The following USP45 variants were observed in gnomAD, a reference collection of about 807,000 sequenced individuals.
The protein encoded by USP45 is ubiquitin carboxyl-terminal hydrolase 45.
A neutral mutation model predicts 95.8 loss-of-function variants in USP45; 89 were observed. The observed-to-expected ratio is 0.93, with a 90% CI of 0.78 to 1.11. USP45 has a LOEUF of 1.11. USP45 is among the 50% of genes least tolerant of loss of function. USP45 has a pLI of 0.00. For synonymous variants in USP45, 281 were observed against 316.2 expected, an observed-to-expected ratio of 0.89 and a Z score of 1.18; for missense variants, 898 against 942.5, an observed-to-expected ratio of 0.95 and a Z score of 0.62.
chr6:99,493,073 G>T (rs890207977), intron 5 of USP45, among the ~76,000 whole-genome samples: 1 of 151,966 alleles, frequency 6.6e-6, no homozygotes, highest in African/African-American at 2.4e-5. Flanking sequence ...CTGTTGCCCA[G>T]GCTGGAGTGC....
rs377256682 is a variant in USP45, at chr6:99,497,522, G to A, written c.478+6243C>T. On this transcript the variant is annotated intron_variant, in intron 5 of 17. Transcript: ENST00000500704. ...GAACCAAATAATAATTAGCTTGCCA[G>A]TTTACTCTCAAAATCGACTAACTTC... Among the ~76,000 whole-genome samples, 29 of 152,282 alleles carry A rather than the reference G, an allele frequency of 1.9e-4. No homozygotes were observed. In the East Asian group the frequency reaches 4.8e-3, roughly 25 times the overall value.
intron 4 of USP45, among the ~76,000 whole-genome samples, chr6:99,504,999 G>A (rs1467130704): frequency 6.6e-6 from 1 of 152,126 alleles, no homozygotes; most frequent in East Asian, 1.9e-4. Flanking sequence ...AACTGAAGCT[G>A]GTTGATGGGT....
At chr6:99,460,817 C>A (rs954733932) in intron 13 of USP45, 29 of 983,968 alleles carry the variant, frequency 2.9e-5, no homozygotes, top group Non-Finnish European at 3.3e-5. Context: ...CATAATAACA[C>A]CTTTTATAAT....
At position 99,437,397 on chromosome 6, in the gene USP45, A is replaced by C; in HGVS notation, c.2163T>G (p.Asn721Lys). 8 of 1,584,720 alleles carry C rather than the reference A, an allele frequency of 5.0e-6. No individual in the cohort carries two copies. Among genetic ancestry groups the C allele is most frequent in the Non-Finnish European group, 6.0e-6 (7 of 1,172,334 alleles). ...LAPFCSATCK[N>K]ASVGDKVLYG... ...AGAGAACTTTATCTCCCACACTTGCATTCTTTTAAACAAAGAAAAAAACCC... is the reference window on the plus strand; with the variant it reads ...AGAGAACTTTATCTCCCACACTTGCCTTCTTTTAAACAAAGAAAAAAACCC... Residue 721 changes from asparagine to lysine, a missense_variant and splice_region_variant, in exon 17 of 18, where the codon AAT becomes AAG. Asn to Lys is a moderately conservative substitution (Grantham distance 94). Coordinates refer to ENST00000500704, the MANE Select transcript of USP45 (RefSeq NM_001346022.3).
At chr6:99,452,361 C>T (rs1458884080) in intron 13 of USP45, among the ~76,000 whole-genome samples, 5 of 152,196 alleles carry the variant, frequency 3.3e-5, no homozygotes, top group South Asian at 2.1e-4. Flanking sequence ...AAAAAGTGGG[C>T]AAAGGATATG....
At chr6:99,489,226 CAG>C (rs1794650936) in intron 5 of USP45, among the ~76,000 whole-genome samples, 1 of 152,052 alleles carries the variant, frequency 6.6e-6, no homozygotes, top group Admixed American at 6.6e-5. Flanking sequence ...TTTGCCATGC[CAG>C]AGAGTAAGGA....
intron 13 of USP45, 109 bp from the exon 14 acceptor site, chr6:99,446,572 C>T: frequency 9.4e-7 from 1 of 1,069,396 alleles, no homozygotes; most frequent in South Asian, 1.7e-5. Context: ...TCTCTCAGAT[C>T]CATTTCCTAA....
chr6:99,435,878 G>GT, intron 17 of USP45, 32 bp from the exon 18 acceptor site: 2 of 1,593,494 alleles, frequency 1.3e-6, no homozygotes, highest in Non-Finnish European at 1.7e-6. Flanking sequence ...CAATTTTAAA[G>GT]TAAGTATGCT....
intron 12 of USP45, 83 bp from the exon 13 acceptor site, chr6:99,464,830 T>G: frequency 7.2e-7 from 1 of 1,397,578 alleles, no homozygotes; most frequent in Non-Finnish European, 9.5e-7. Context: ...TTTGACTGAC[T>G]TGAAATACAA....
intron 13 of USP45, among the ~76,000 whole-genome samples, chr6:99,449,595 C>G (rs1783391096): frequency 6.6e-6 from 1 of 152,112 alleles, no homozygotes. Context: ...GAGACTTTAA[C>G]ACCCCACTGT....
chr6:99,461,719 A>C, intron 13 of USP45: 4 of 985,216 alleles, frequency 4.1e-6, no homozygotes, highest in Non-Finnish European at 4.8e-6. Flanking sequence ...AAAAAACTCA[A>C]AAACTTATGA....
rs148829643 is a variant in USP45 at position 99,495,353 on chromosome 6, A to G, written c.479-6533T>C. Among the ~76,000 whole-genome samples, 3 of 152,332 alleles carry G rather than the reference A, an allele frequency of 2.0e-5. No individual in the cohort carries two copies. In the East Asian group the frequency reaches 5.8e-4, roughly 29 times the overall value. ...GGTGTCTTTCTTTTCCCAAAGGTGT[A>G]TTTGTGAATTGCCTTGGTTAAACCA... is the stretch of plus-strand genomic sequence containing the variant. On this transcript the variant is annotated intron_variant, in intron 5 of 17. Coordinates refer to ENST00000500704, the MANE Select transcript of USP45 (RefSeq NM_001346022.3).
chr6:99,441,859 C>T (rs1781589863), intron 15 of USP45, among the ~76,000 whole-genome samples: 1 of 152,108 alleles, frequency 6.6e-6, no homozygotes, highest in Non-Finnish European at 1.5e-5. Flanking sequence ...TCTTTATATA[C>T]TTACAATATT....
chr6:99,446,916 T>A lies in USP45; in HGVS notation c.1309-453A>T, dbSNP rs187625540. On this transcript the variant is annotated intron_variant, in intron 13 of 17. Coordinates refer to ENST00000500704, the MANE Select transcript of USP45 (RefSeq NM_001346022.3). ...GTACCACCATACCTGGCTAATTTTT[T>A]AATTTTTTGTAGAGATAAAGTCTCG... Among the ~76,000 whole-genome samples the A allele has an allele frequency of 2.0e-5, 3 of 152,310 alleles. No individual in the cohort carries two copies. In the East Asian group the frequency reaches 5.8e-4, roughly 29 times the overall value.
intron 1 of USP45, chr6:99,514,895 G>C (rs1400160314): frequency 1.3e-5 from 2 of 152,220 alleles, no homozygotes; most frequent in African/African-American, 2.4e-5. Flanking sequence ...TTTTACACTT[G>C]AAACTGAGAA....
Position 99,435,475 on chromosome 6 carries a change from T to C in USP45, c.*241A>G. The C allele has an allele frequency of 3.2e-6, 1 of 317,106 alleles. No individual in the cohort carries two copies. Among genetic ancestry groups the C allele is most frequent in the South Asian group, 9.7e-5 (1 of 10,274 alleles). The allele number at this position is 317,106 out of a possible 1,614,324, so 19.6% of individuals were successfully genotyped here. A position where few individuals can be genotyped will look rare whatever the true frequency, so the allele number is the denominator to read the frequency against. On this transcript the variant is annotated 3_prime_UTR_variant, in exon 18 of 18. Coordinates refer to ENST00000500704, the MANE Select transcript of USP45 (RefSeq NM_001346022.3). ...CTTTCCTACTGTAAATTCTGGGAAGTTTTTGTACCCCAGAATAAATACCTG... is the reference window on the plus strand; with the variant it reads ...CTTTCCTACTGTAAATTCTGGGAAGCTTTTGTACCCCAGAATAAATACCTG...
At chr6:99,463,918 C>T (rs914603107) in intron 13 of USP45, among the ~76,000 whole-genome samples, 8 of 151,520 alleles carry the variant, frequency 5.3e-5, no homozygotes, top group African/African-American at 1.9e-4. Context: ...GAGACAACTG[C>T]AGAAATTTAA....
intron 10 of USP45, among the ~76,000 whole-genome samples, chr6:99,467,673 G>A (rs541629119): frequency 5.0e-4 from 76 of 152,122 alleles, no homozygotes; most frequent in South Asian, 4.6e-3. Context: ...AGAGGGGGAA[G>A]AAAAACGGGG....
At chr6:99,492,137 A>G (rs1037665939) in intron 5 of USP45, among the ~76,000 whole-genome samples, 4 of 152,274 alleles carry the variant, frequency 2.6e-5, no homozygotes, top group Non-Finnish European at 4.4e-5. Flanking sequence ...AACAATGTTC[A>G]TAAGACCATC....
Sources: allele counts gnomAD v4.1 joint callset (sites outside exome capture counted in the v4.1 genomes callset), GRCh38; gene constraint gnomAD v4.1.1; transcripts MANE v1.5; gene names NCBI Gene and HGNC (gene_info 2026-07-23, HGNC 2026-07-21).